Variants in GC observed in about 807,000 individuals in gnomAD.
The protein encoded by GC is GC vitamin D binding protein, also known as vitamin D-binding protein.
GC carries 43 observed loss-of-function variants against 56.7 expected under a neutral mutation model. The ratio of observed to expected loss-of-function variants is 0.76; its 90% confidence interval spans 0.59 to 0.98. The LOEUF (loss-of-function observed/expected upper bound fraction) is 0.98. Ranked by LOEUF, GC falls within the 50% of genes least tolerant of loss-of-function variation. GC has a pLI of 0.00. For synonymous variants in GC, 216 were observed against 202.7 expected, an observed-to-expected ratio of 1.07 and a Z score of -0.56; for missense variants, 529 against 545.9, an observed-to-expected ratio of 0.97 and a Z score of 0.31.
At chr4:71,801,414 C>T (rs1029285519) in intron 1 of GC, among the ~76,000 whole-genome samples, 10 of 152,130 alleles carry the variant, frequency 6.6e-5, no homozygotes, top group Admixed American at 3.3e-4. Context: ...GTTTTGCTGC[C>T]GTAGACTCCT....
chr4:71,761,760 G>A (rs1741983071), intron 6 of GC, among the ~76,000 whole-genome samples: 1 of 152,346 alleles, frequency 6.6e-6, no homozygotes, highest in Non-Finnish European at 1.5e-5. Flanking sequence ...TGGCTTCAGA[G>A]AGTGTAAGCC....
chr4:71,752,696 TATACAA>T, intron 10 of GC, 46 bp from the exon 11 acceptor site: 2 of 1,516,142 alleles, frequency 1.3e-6, no homozygotes, highest in Non-Finnish European at 1.8e-6. Flanking sequence ...GTATTTATTT[TATACAA>T]ATTTCTAATG....
chr4:71,742,112 T>C (rs771396895), intron 12 of GC, among the ~76,000 whole-genome samples: 1 of 152,184 alleles, frequency 6.6e-6, no homozygotes, highest in Non-Finnish European at 1.5e-5. Flanking sequence ...CCAGGGTACA[T>C]TGTACATTGT....
intron 3 of GC, among the ~76,000 whole-genome samples, chr4:71,766,152 A>G (rs1408361351): frequency 6.6e-6 from 1 of 152,154 alleles, no homozygotes; most frequent in Non-Finnish European, 1.5e-5. Context: ...TTAACTTTCT[A>G]CATTATTTGC....
chr4:71,765,278 C>T (rs1742118437), intron 4 of GC, among the ~76,000 whole-genome samples, 154 bp downstream of exon 4: 1 of 152,046 alleles, frequency 6.6e-6, no homozygotes, highest in Non-Finnish European at 1.5e-5. Context: ...AAACTCAGCA[C>T]CAAAGGGAAG....
At chr4:71,762,750 G>A (rs1248776684) in intron 6 of GC, among the ~76,000 whole-genome samples, 2 of 152,124 alleles carry the variant, frequency 1.3e-5, no homozygotes, top group Non-Finnish European at 2.9e-5. Context: ...CTCTGCACAA[G>A]CTCTCTCTTT....
intron 1 of GC, among the ~76,000 whole-genome samples, chr4:71,801,674 G>A (rs1215503490): frequency 2.0e-5 from 3 of 151,890 alleles, no homozygotes; most frequent in African/African-American, 7.3e-5. Flanking sequence ...TACTCTACAT[G>A]CCCACAATTT....
chr4:71,763,649 C>T (rs1378860458), intron 5 of GC, 147 bp from the exon 6 acceptor site: 1 of 759,564 alleles, frequency 1.3e-6, no homozygotes, highest in Non-Finnish European at 2.2e-6. Context: ...TATTACTTTT[C>T]CAGAGGTATT....
chr4:71,774,482 ATTGC>A (rs1328310668), intron 1 of GC, among the ~76,000 whole-genome samples: 1 of 147,494 alleles, frequency 6.8e-6, no homozygotes, highest in African/African-American at 2.4e-5. Flanking sequence ...CTCATCTGTA[ATTGC>A]TTTTGTAGGG....
Position 71,756,739 on chromosome 4 carries a change from T to A in GC, c.1007A>T (p.Asp336Val). Residue 336 changes from aspartate (D) to valine (V), a missense_variant, in exon 8 of 13, where the codon GAT (aspartate) becomes GTT (valine). Physicochemically the swap from Asp to Val is radical, Grantham distance 152. Transcript: ENST00000273951. ...ATCCATGACTTTGGTGTTTCCTGGATCACACACATCTTTGTTTGTGGGCAA... is the reference window on the plus strand; with the variant it reads ...ATCCATGACTTTGGTGTTTCCTGGAACACACACATCTTTGTTTGTGGGCAA... The part of the protein sequence containing the change: ...VELPTNKDVC[D>V]PGNTKVMDKY... 2 of 1,613,382 alleles carry A rather than the reference T, an allele frequency of 1.2e-6. No homozygotes were observed. The highest frequency in any genetic ancestry group is 1.7e-6 in the Non-Finnish European group (2 of 1,179,392).
chr4:71,781,372 A>T (rs1332997720), intron 1 of GC, among the ~76,000 whole-genome samples: 1 of 151,980 alleles, frequency 6.6e-6, no homozygotes, highest in Admixed American at 6.6e-5. Context: ...GTACCCTAGA[A>T]CTTAAAGTAT....
At chr4:71,773,639 C>T (rs1742410317) in intron 1 of GC, among the ~76,000 whole-genome samples, 1 of 151,974 alleles carries the variant, frequency 6.6e-6, no homozygotes, top group African/African-American at 2.4e-5. Flanking sequence ...TAGTCTTTCA[C>T]TAAAACCTAA....
At chr4:71,781,138 G>GA (rs1742664658) in intron 1 of GC, among the ~76,000 whole-genome samples, 2 of 151,856 alleles carry the variant, frequency 1.3e-5, no homozygotes, top group South Asian at 4.1e-4. Flanking sequence ...CACAAGGACA[G>GA]AAAACCACAC....
upstream of GC, chr4:71,804,069 CA>C (rs1294109530): frequency 2.8e-6 from 2 of 715,322 alleles, no homozygotes; most frequent in Non-Finnish European, 5.0e-6. Flanking sequence ...TGGTCTTAGA[CA>C]AAGATTTGTA....
At chr4:71,766,606 G>A (rs993043340) in intron 3 of GC, among the ~76,000 whole-genome samples, 2 of 152,072 alleles carry the variant, frequency 1.3e-5, no homozygotes, top group Admixed American at 6.6e-5. Flanking sequence ...TCTTTTTAAG[G>A]TAAAATTTCT....
intron 1 of GC, among the ~76,000 whole-genome samples, chr4:71,774,975 C>G (rs1742462276): frequency 6.7e-6 from 1 of 148,718 alleles, no homozygotes; most frequent in South Asian, 2.1e-4. Flanking sequence ...AAATCTTTAT[C>G]TTTGACTATC....
At chr4:71,802,903 C>T (rs1161373333) in intron 1 of GC, among the ~76,000 whole-genome samples, 1 of 152,148 alleles carries the variant, frequency 6.6e-6, no homozygotes, top group East Asian at 1.9e-4. Flanking sequence ...TTTAATCCAG[C>T]CACAACCCTG....
upstream of GC, among the ~76,000 whole-genome samples, chr4:71,804,705 G>A (rs114282916): frequency 0.11 from 17,187 of 152,164 alleles, 1,046 homozygotes; most frequent in African/African-American, 0.13. Flanking sequence ...CTTTAAAAGT[G>A]TCGAAAGTAA....
At position 71,741,739 on chromosome 4, in the gene GC, A is replaced by T; in HGVS notation, c.*157T>A. ...CAATTTATTTTGATAGCAAATCATC[A>T]TACTTGTCATTGTATGAAGATATTG... On this transcript the variant is annotated 3_prime_UTR_variant, in exon 13 of 13. Coordinates refer to ENST00000273951, the MANE Select transcript of GC (RefSeq NM_000583.4). The T allele has an allele frequency of 1.5e-6, 1 of 684,198 alleles. No homozygotes were observed. The highest frequency in any genetic ancestry group is 2.6e-6 in the Non-Finnish European group (1 of 378,286). The allele number at this position is 684,198 out of a possible 1,614,324, so 42.4% of individuals were successfully genotyped here. A position where few individuals can be genotyped will look rare whatever the true frequency, so the allele number is the denominator to read the frequency against.
Sources: gnomAD v4.1 joint callset for allele counts (sites outside exome capture counted in the v4.1 genomes callset) on GRCh38, gnomAD v4.1.1 for gene constraint, MANE v1.5 for transcripts, NCBI Gene and HGNC (gene_info 2026-07-23, HGNC 2026-07-21) for gene names.